The following CNTNAP4 variants were observed in gnomAD, a reference collection of about 807,000 sequenced individuals.
CNTNAP4 encodes the protein contactin-associated protein-like 4.
In CNTNAP4, 98 loss-of-function variants were observed where a neutral mutation model predicts 148.4. The ratio of observed to expected loss-of-function variants is 0.66; its 90% CI spans 0.56 to 0.78. The LOEUF is 0.78. Among genes scored for constraint, CNTNAP4 ranks in the 30% least tolerant of loss-of-function variants. The pLI is 0.00. For missense variants in CNTNAP4, 1,935 were observed against 1,565.6 expected, an observed-to-expected ratio of 1.24 and a Z score of -3.98; for synonymous variants, 730 against 565.1, an observed-to-expected ratio of 1.29 and a Z score of -4.14.
chr16:76,359,674 T>C (rs1018157690), intron 3 of CNTNAP4, among the ~76,000 whole-genome samples: 2 of 152,206 alleles, frequency 1.3e-5, no homozygotes, highest in Non-Finnish European at 2.9e-5. Context: ...GTTCATAAAA[T>C]ATAATTTATA....
rs546936797 is a variant in CNTNAP4 at position 76,388,337 on chromosome 16, C to G, written c.390+32826C>G. Among the ~76,000 whole-genome samples, 13 of 152,234 alleles carry G rather than the reference C, an allele frequency of 8.5e-5. No individual in the cohort carries two copies. In the South Asian group the frequency reaches 2.3e-3, roughly 27 times the overall value. The stretch of plus-strand genomic sequence containing the variant: ...TTGGTACCATAATCAAAATGAAAAA[C>G]AAACAAATAAAAAACAACTTTTCTC... On this transcript the variant is annotated intron_variant, in intron 3 of 23. Coordinates refer to ENST00000611870, the MANE Select transcript of CNTNAP4 (RefSeq NM_033401.5).
At chr16:76,555,445 A>G (rs1374007283) in intron 23 of CNTNAP4, among the ~76,000 whole-genome samples, 2 of 152,222 alleles carry the variant, frequency 1.3e-5, no homozygotes, top group African/African-American at 4.8e-5. Flanking sequence ...AAACTCACTT[A>G]AAGCTATAGT....
intron 4 of CNTNAP4, among the ~76,000 whole-genome samples, chr16:76,434,398 G>A (rs1183596773): frequency 6.6e-6 from 1 of 152,140 alleles, no homozygotes; most frequent in African/African-American, 2.4e-5. Context: ...AAAGGCATTT[G>A]CCAAGTCAAT....
intron 3 of CNTNAP4, among the ~76,000 whole-genome samples, chr16:76,403,841 A>G (rs927417919): frequency 2.0e-5 from 3 of 152,230 alleles, no homozygotes; most frequent in South Asian, 2.1e-4. Flanking sequence ...TATGGTACAT[A>G]TACATCACAG....
At chr16:76,476,163 TC>T in intron 11 of CNTNAP4, 118 bp downstream of exon 11, 1 of 624,654 alleles carries the variant, frequency 1.6e-6, no homozygotes, top group Non-Finnish European at 2.8e-6. Context: ...CAGTGGTTAA[TC>T]CACATCTCAT....
At chr16:76,409,206 C>T (rs2078706947) in intron 3 of CNTNAP4, among the ~76,000 whole-genome samples, 1 of 151,982 alleles carries the variant, frequency 6.6e-6, no homozygotes, top group South Asian at 2.1e-4. Context: ...CCCTCAGATA[C>T]ATTTATTTTA....
At chr16:76,473,298 T>C (rs2081437670) in intron 10 of CNTNAP4, among the ~76,000 whole-genome samples, 3 of 152,328 alleles carry the variant, frequency 2.0e-5, no homozygotes, top group Admixed American at 2.0e-4. Context: ...TATACACACA[T>C]ATCTATATGT....
intron 4 of CNTNAP4, among the ~76,000 whole-genome samples, chr16:76,429,808 C>T (rs186823244): frequency 6.6e-6 from 1 of 152,172 alleles, no homozygotes; most frequent in Non-Finnish European, 1.5e-5. Context: ...GGTGAGCATA[C>T]TGTCCATGTA....
intron 2 of CNTNAP4, among the ~76,000 whole-genome samples, chr16:76,326,185 AAGCCACTCTG>A (rs1240944489): frequency 6.6e-6 from 1 of 152,208 alleles, no homozygotes; most frequent in African/African-American, 2.4e-5. Flanking sequence ...GGAAAATTAA[AAGCCACTCTG>A]TTGCATGAAT....
At chr16:76,506,176 G>A (rs1484687042) in intron 15 of CNTNAP4, among the ~76,000 whole-genome samples, 1 of 96,840 alleles carries the variant, frequency 1.0e-5, no homozygotes, top group African/African-American at 2.6e-5. Context: ...TAATCAGCCT[G>A]CCAAGAGCAG....
At position 76,475,277 on chromosome 16, in the gene CNTNAP4, C is replaced by A. The variant is rs192475826; in HGVS notation, c.1656-662C>A. Among the ~76,000 whole-genome samples the A allele has an allele frequency of 2.5e-3, 384 of 152,238 alleles. 1 individual carries two copies. The highest frequency in any genetic ancestry group is 8.9e-3 in the African/African-American group (370 of 41,528). ...AATCAGTTACTAAAACTCTGCTCCC[C>A]AAAGATAGGATGTGATTAAAGGGAA... On this transcript the variant is annotated intron_variant, in intron 10 of 23. Transcript: ENST00000611870.
intron 2 of CNTNAP4, among the ~76,000 whole-genome samples, chr16:76,318,457 C>T (rs998336065): frequency 2.0e-5 from 3 of 151,988 alleles, no homozygotes; most frequent in Non-Finnish European, 4.4e-5. Context: ...CAATATCAAA[C>T]TTCATGAATC....
At chr16:76,428,977 G>A (rs925522893) in intron 4 of CNTNAP4, among the ~76,000 whole-genome samples, 2 of 152,100 alleles carry the variant, frequency 1.3e-5, no homozygotes, top group Non-Finnish European at 2.9e-5. Context: ...AAAGGAAGTG[G>A]CAGAGCTGGG....
intron 3 of CNTNAP4, among the ~76,000 whole-genome samples, chr16:76,389,912 T>C (rs1007270165): frequency 3.9e-5 from 6 of 152,162 alleles, no homozygotes; most frequent in African/African-American, 1.4e-4. Flanking sequence ...AGAATTTGAG[T>C]GCAAGTTATT....
chr16:76,503,125 A>T (rs904431874), intron 15 of CNTNAP4, among the ~76,000 whole-genome samples: 1 of 152,226 alleles, frequency 6.6e-6, no homozygotes, highest in Non-Finnish European at 1.5e-5. Flanking sequence ...CATAAAGGAC[A>T]TCTGTGAAAA....
chr16:76,526,348 G>A (rs561007426), intron 17 of CNTNAP4, among the ~76,000 whole-genome samples: 35 of 152,080 alleles, frequency 2.3e-4, no homozygotes, highest in Non-Finnish European at 3.7e-4. Context: ...GGTATATATC[G>A]GACCTTGTAG....
chr16:76,341,577 C>A (rs1964472845), intron 2 of CNTNAP4, among the ~76,000 whole-genome samples: 2 of 152,070 alleles, frequency 1.3e-5, no homozygotes, highest in South Asian at 4.1e-4. Context: ...ATTATGTGGC[C>A]ATCTGGTTTT....
Position 76,449,760 on chromosome 16 carries a change from C to A in CNTNAP4, c.973C>A (p.Pro325Thr). ...AGCACCTGGAAAATCAGTGTCATTC[C>A]CACATAGAAATTTTCATGGATGTTT... ...IPAPGKSVSF[P>T]HRNFHGCLEN... The change falls in exon 7 of 24, where the codon CCA becomes ACA. Residue 325 changes from proline (P) to threonine (T), a missense_variant. By Grantham distance (38) the Pro-to-Thr change is conservative (BLOSUM62 -1). Transcript: ENST00000611870. 1 of 1,596,918 alleles carries A rather than the reference C, an allele frequency of 6.3e-7. No homozygotes were observed. The highest frequency in any genetic ancestry group is 1.1e-5 in the South Asian group (1 of 87,916).
At chr16:76,476,186 G>A (rs904494040) in intron 11 of CNTNAP4, 141 bp downstream of exon 11, 33 of 572,028 alleles carry the variant, frequency 5.8e-5, no homozygotes, top group Admixed American at 2.3e-4. Flanking sequence ...TCATAAAGTC[G>A]TCAAGATAGC....
Sources: allele counts gnomAD v4.1 joint callset (sites outside exome capture counted in the v4.1 genomes callset), GRCh38; gene constraint gnomAD v4.1.1; transcripts MANE v1.5; gene names NCBI Gene and HGNC (gene_info 2026-07-23, HGNC 2026-07-21).